The following PDE1C variants were observed in gnomAD, a reference collection of about 807,000 sequenced individuals.
PDE1C encodes dual specificity calcium/calmodulin-dependent 3',5'-cyclic nucleotide phosphodiesterase 1C.
PDE1C carries 62 observed loss-of-function variants against 93.1 expected under a neutral mutation model. That is an observed-to-expected ratio of 0.67 (90% CI 0.54 to 0.82). The LOEUF is 0.82. Among genes scored for constraint, PDE1C ranks in the 40% least tolerant of loss-of-function variants. PDE1C has a pLI of 0.00. For synonymous variants in PDE1C, 325 were observed against 310.1 expected, an observed-to-expected ratio of 1.05 and a Z score of -0.50; for missense variants, 742 against 884.6, an observed-to-expected ratio of 0.84 and a Z score of 2.04.
In PDE1C at chr7:32,173,719, A is replaced by C. The variant is rs1287506204; in HGVS notation, c.137-3763T>G. Among the ~76,000 whole-genome samples the C allele has an allele frequency of 1.3e-5, 2 of 152,170 alleles. 1 individual carries two copies. The highest frequency in any genetic ancestry group is 1.3e-4 in the Admixed American group (2 of 15,274). ...GCAGATAGAAAATGGATTTGTGTGC[A>C]CATGAGAATTCCTCCCTGAGACCTT... On this transcript the variant is annotated intron_variant, in intron 2 of 18. Transcript: ENST00000396193.
chr7:32,065,056 G>A (rs75969406), intron 1 of PDE1C, among the ~76,000 whole-genome samples: 6 of 64,130 alleles, frequency 9.4e-5, no homozygotes, highest in Admixed American at 4.3e-4. Flanking sequence ...GGCGGTGGGG[G>A]GGGGGGGGAG....
chr7:31,864,771 C>T (rs943607660), intron 7 of PDE1C, among the ~76,000 whole-genome samples, 171 bp downstream of exon 7: 7 of 152,118 alleles, frequency 4.6e-5, no homozygotes, highest in African/African-American at 1.7e-4. Context: ...ATTTCAGAGG[C>T]AACGGAGAAC....
At chr7:31,991,833 A>G (rs923741180) in intron 2 of PDE1C, among the ~76,000 whole-genome samples, 16 of 152,238 alleles carry the variant, frequency 1.1e-4, no homozygotes, top group Non-Finnish European at 2.4e-4. Flanking sequence ...TTTTTCTACT[A>G]GTAGCATACT....
intron 2 of PDE1C, among the ~76,000 whole-genome samples, chr7:31,978,578 T>C (rs112728056): frequency 3.9e-5 from 6 of 152,262 alleles, no homozygotes; most frequent in African/African-American, 1.4e-4. Flanking sequence ...AGCTGAAGGA[T>C]TGACCTACAG....
chr7:31,762,793 A>G (rs1402607309), intron 17 of PDE1C, among the ~76,000 whole-genome samples: 1 of 152,150 alleles, frequency 6.6e-6, no homozygotes, highest in Non-Finnish European at 1.5e-5. Flanking sequence ...ATTTAGAAGG[A>G]GCTGAGTTGA....
chr7:32,045,552 T>C (rs1792433948), intron 2 of PDE1C, among the ~76,000 whole-genome samples: 1 of 152,222 alleles, frequency 6.6e-6, no homozygotes, highest in Non-Finnish European at 1.5e-5. Flanking sequence ...AAGTAAGCAG[T>C]AGAATGCAGG....
chr7:32,068,427 A>T (rs1156416145), intron 1 of PDE1C, among the ~76,000 whole-genome samples: 2 of 152,244 alleles, frequency 1.3e-5, no homozygotes, highest in Non-Finnish European at 2.9e-5. Flanking sequence ...AGTGGTAAGG[A>T]TCACATACTG....
intron 2 of PDE1C, among the ~76,000 whole-genome samples, chr7:31,962,982 A>G (rs183349094): frequency 6.6e-6 from 1 of 152,324 alleles, no homozygotes; most frequent in East Asian, 1.9e-4. Flanking sequence ...TAGCCCCTTT[A>G]AAAAATATAT....
chr7:32,389,272 T>C (rs562092550), intron 1 of PDE1C, among the ~76,000 whole-genome samples: 3 of 151,862 alleles, frequency 2.0e-5, no homozygotes, highest in South Asian at 4.2e-4. Context: ...TTGGAGTACA[T>C]TGGTGCAATC....
At chr7:31,768,341 G>A (rs772384326) in intron 17 of PDE1C, among the ~76,000 whole-genome samples, 6 of 152,174 alleles carry the variant, frequency 3.9e-5, no homozygotes, top group Non-Finnish European at 5.9e-5. Flanking sequence ...TCTGTAAGCG[G>A]CCCAGACTCT....
intron 2 of PDE1C, among the ~76,000 whole-genome samples, chr7:32,179,939 C>T (rs889708137): frequency 2.6e-5 from 4 of 152,216 alleles, no homozygotes; most frequent in African/African-American, 4.8e-5. Context: ...AAACCTTCAA[C>T]GGTTCTCAAA....
At chr7:32,152,791 G>A (rs541957977) in intron 3 of PDE1C, among the ~76,000 whole-genome samples, 36 of 152,228 alleles carry the variant, frequency 2.4e-4, no homozygotes, top group Non-Finnish European at 4.3e-4. Flanking sequence ...TACATGCTAC[G>A]TGGCAACATG....
chr7:31,827,205 C>A (rs141194489), intron 12 of PDE1C, among the ~76,000 whole-genome samples: 1 of 152,186 alleles, frequency 6.6e-6, no homozygotes, highest in Non-Finnish European at 1.5e-5. Flanking sequence ...AATTTGCTGA[C>A]CATACCAGGC....
the PDE1C span, among the ~76,000 whole-genome samples, chr7:31,687,840 C>T: frequency 6.6e-6 from 1 of 152,184 alleles, no homozygotes; most frequent in Non-Finnish European, 1.5e-5. Flanking sequence ...GTGGATACAA[C>T]CTTCTACCCT....
chr7:31,735,398 CAAAAAAAAAAAAAA>C, the PDE1C span, among the ~76,000 whole-genome samples: 99,842 of 142,944 alleles, frequency 0.7, 35,933 homozygotes, highest in Non-Finnish European at 0.8. Context: ...AACTCTGTCT[CAAAAAAAAAAAAAA>C]AAAAAAAAAA....
intron 2 of PDE1C, among the ~76,000 whole-genome samples, chr7:31,948,209 A>G (rs1340838306): frequency 6.6e-6 from 1 of 152,216 alleles, no homozygotes; most frequent in East Asian, 1.9e-4. Context: ...CAATTTCTCT[A>G]GAGATGGCCA....
upstream of PDE1C, among the ~76,000 whole-genome samples, chr7:32,304,307 G>A (rs1812946106): frequency 6.6e-6 from 1 of 152,216 alleles, no homozygotes; most frequent in Non-Finnish European, 1.5e-5. Context: ...TGGTCTGCGG[G>A]TAGCAGAGAT....
At chr7:32,076,367 G>A (rs943168611), upstream of PDE1C, among the ~76,000 whole-genome samples, 6 of 152,234 alleles carry the variant, frequency 3.9e-5, no homozygotes, top group African/African-American at 9.6e-5. Context: ...AGGGCTGGGT[G>A]CAGTGGCTCA....
chr7:31,712,286 G>GAA, the PDE1C span, among the ~76,000 whole-genome samples: 297 of 151,398 alleles, frequency 2.0e-3, 2 homozygotes, highest in African/African-American at 6.9e-3. Context: ...GAGTGAGTGA[G>GAA]TGAATGAATG....
Sources: allele counts gnomAD v4.1 joint callset (sites outside exome capture counted in the v4.1 genomes callset), GRCh38; gene constraint gnomAD v4.1.1; transcripts MANE v1.5; gene names NCBI Gene and HGNC (gene_info 2026-07-23, HGNC 2026-07-21).